Variants in PIK3C2G observed in about 807,000 individuals in gnomAD.
PIK3C2G encodes phosphatidylinositol 3-kinase C2 domain-containing subunit gamma.
In PIK3C2G, 168 loss-of-function variants were observed where a neutral mutation model predicts 181.1. The ratio of observed to expected loss-of-function variants is 0.93; its 90% CI spans 0.82 to 1.05. The LOEUF (loss-of-function observed/expected upper bound fraction) is 1.05. Among genes scored for constraint, PIK3C2G ranks in the 50% least tolerant of loss-of-function variants. The pLI is 0.00. For missense variants in PIK3C2G, 1,869 were observed against 1,732.8 expected (o/e 1.08, Z -1.40); for synonymous variants, 573 against 592.2 (o/e 0.97, Z 0.47).
chr12:18,367,887 C>A (rs1422536270), intron 12 of PIK3C2G, among the ~76,000 whole-genome samples: 7 of 152,132 alleles, frequency 4.6e-5, no homozygotes, highest in Non-Finnish European at 1.5e-5. Flanking sequence ...AAGATGTTTA[C>A]TTGACTCACA....
At chr12:18,503,450 T>C in intron 23 of PIK3C2G, 33 bp downstream of exon 23, 1 of 1,491,326 alleles carries the variant, frequency 6.7e-7, no homozygotes, top group Non-Finnish European at 9.1e-7. Flanking sequence ...TTAAATAATG[T>C]ACTTAAATAA....
At position 18,282,015 on chromosome 12, in the gene PIK3C2G, T is replaced by A; in HGVS notation, c.-67T>A. The A allele has an allele frequency of 1.1e-6, 1 of 908,818 alleles. No individual in the cohort carries two copies. The highest frequency in any genetic ancestry group is 1.7e-5 in the African/African-American group (1 of 59,202). 56.3% of individuals were successfully genotyped at this position (908,818 alleles called of 1,614,324 possible). On this transcript the variant is annotated 5_prime_UTR_variant, in exon 2 of 33. The change creates a premature stop within an existing upstream ORF in the 5' untranslated region. Coordinates refer to ENST00000538779, the MANE Select transcript of PIK3C2G (RefSeq NM_001288772.2). ...TATGCTTTTTCTAGGAAAATTTCTA[T>A]CTTCTTTTGTATTATCAAGGAGATA...
intron 12 of PIK3C2G, among the ~76,000 whole-genome samples, chr12:18,370,263 T>G (rs1243168866): frequency 6.6e-6 from 1 of 152,206 alleles, no homozygotes; most frequent in Non-Finnish European, 1.5e-5. Context: ...GTAGTATTTA[T>G]GACCTTCTGG....
chr12:18,598,579 T>C (rs1490218467), intron 30 of PIK3C2G, among the ~76,000 whole-genome samples: 40 of 151,302 alleles, frequency 2.6e-4, no homozygotes, highest in African/African-American at 9.2e-4. Context: ...ATTCAGGACA[T>C]AGGCATGGGC....
chr12:18,617,164 C>A (rs1948641863), intron 31 of PIK3C2G, among the ~76,000 whole-genome samples: 1 of 152,030 alleles, frequency 6.6e-6, no homozygotes, highest in South Asian at 2.1e-4. Flanking sequence ...AGCAGTCTAC[C>A]TGTAACTGAC....
At chr12:18,606,708 T>G (rs1402072534) in intron 30 of PIK3C2G, among the ~76,000 whole-genome samples, 3 of 152,092 alleles carry the variant, frequency 2.0e-5, no homozygotes, top group Non-Finnish European at 4.4e-5. Context: ...TTTCAAATCT[T>G]AGAGAAGATT....
rs138820005 is a variant in PIK3C2G at position 18,614,910 on chromosome 12, T to C, written c.4182+5281T>C. On this transcript the variant is annotated intron_variant, in intron 31 of 32. Transcript: ENST00000538779. ...CTGAATTACTTATTTCTATAAATTG[T>C]TGCACCATCATCAAGTAATTCCTGA... is the stretch of plus-strand genomic sequence containing the variant. Among the ~76,000 whole-genome samples, 34 of 152,228 alleles carry C rather than the reference T, an allele frequency of 2.2e-4. No homozygotes were observed. The East Asian group carries it at 4.2e-3, about 19-fold the overall frequency.
intron 18 of PIK3C2G, among the ~76,000 whole-genome samples, chr12:18,452,180 G>A (rs1302355481): frequency 2.6e-5 from 4 of 152,126 alleles, no homozygotes; most frequent in African/African-American, 4.8e-5. Flanking sequence ...GGTAGAATTC[G>A]GCTGTCAATC....
the PIK3C2G span, among the ~76,000 whole-genome samples, chr12:18,699,236 G>C: frequency 6.6e-6 from 1 of 152,030 alleles, no homozygotes; most frequent in Non-Finnish European, 1.5e-5. Context: ...TTCACCATAG[G>C]CATAGAGCCT....
chr12:18,483,222 T>C (rs1206115335), intron 18 of PIK3C2G, among the ~76,000 whole-genome samples: 1 of 152,166 alleles, frequency 6.6e-6, no homozygotes, highest in Non-Finnish European at 1.5e-5. Context: ...TCTCCTTCAC[T>C]GCCCTCAGCC....
At chr12:18,686,800 A>AT in the PIK3C2G span, among the ~76,000 whole-genome samples, 1 of 152,062 alleles carries the variant, frequency 6.6e-6, no homozygotes, top group African/African-American at 2.4e-5. Flanking sequence ...TAATAAACAG[A>AT]TTTTAAGTCT....
intron 23 of PIK3C2G, among the ~76,000 whole-genome samples, chr12:18,503,944 G>T (rs1941667873): frequency 6.6e-6 from 1 of 152,128 alleles, no homozygotes; most frequent in African/African-American, 2.4e-5. Flanking sequence ...TGCAGGTTCT[G>T]CCCTGTATTA....
intron 31 of PIK3C2G, among the ~76,000 whole-genome samples, chr12:18,640,075 G>A (rs1243459836): frequency 1.3e-5 from 2 of 151,568 alleles, no homozygotes; most frequent in Non-Finnish European, 2.9e-5. Context: ...ACCACATCCT[G>A]ACACTCATAT....
intron 31 of PIK3C2G, among the ~76,000 whole-genome samples, chr12:18,624,848 G>T (rs1004093995): frequency 6.6e-6 from 1 of 151,552 alleles, no homozygotes; most frequent in Non-Finnish European, 1.5e-5. Flanking sequence ...ATAGTCTCTT[G>T]TGATCTTTTG....
At chr12:18,685,457 T>G in the PIK3C2G span, 2 of 210,416 alleles carry the variant, frequency 9.5e-6, no homozygotes, top group Non-Finnish European at 2.1e-5. Flanking sequence ...ATGCTACACT[T>G]GCTATGTCAA....
intron 24 of PIK3C2G, among the ~76,000 whole-genome samples, chr12:18,531,610 T>C (rs1338956915): frequency 1.3e-5 from 2 of 152,234 alleles, no homozygotes; most frequent in Non-Finnish European, 2.9e-5. Context: ...ATTTCAAGTA[T>C]GTTATATAAA....
At chr12:18,589,865 T>C (rs1464909100) in intron 29 of PIK3C2G, among the ~76,000 whole-genome samples, 1 of 151,982 alleles carries the variant, frequency 6.6e-6, no homozygotes, top group Non-Finnish European at 1.5e-5. Context: ...TTTACATTGA[T>C]AAATAGGTCA....
intron 24 of PIK3C2G, among the ~76,000 whole-genome samples, chr12:18,536,144 C>T (rs766064601): frequency 1.3e-5 from 2 of 152,088 alleles, no homozygotes; most frequent in East Asian, 1.9e-4. Flanking sequence ...GATCCACTTA[C>T]GGGTTTATGC....
chr12:18,713,110 T>C, the PIK3C2G span: 268 of 1,293,234 alleles, frequency 2.1e-4, no homozygotes, highest in African/African-American at 3.7e-3. Context: ...CATAAAACTC[T>C]ATAAAAACTT....
Sources: gnomAD v4.1 joint callset for allele counts (sites outside exome capture counted in the v4.1 genomes callset) on GRCh38, gnomAD v4.1.1 for gene constraint, MANE v1.5 for transcripts, NCBI Gene and HGNC (gene_info 2026-07-23, HGNC 2026-07-21) for gene names.